COL6A5: variants seen among roughly 807,000 people sequenced by gnomAD.
COL6A5 encodes the protein collagen alpha-5(VI) chain.
In COL6A5, 48 loss-of-function variants were observed where a neutral mutation model predicts 65.6. The observed-to-expected ratio is 0.73, with a 90% CI of 0.58 to 0.93. The LOEUF is 0.93. Ranked by LOEUF, COL6A5 falls within the 40% of genes least tolerant of loss-of-function variation. COL6A5 has a pLI of 0.00. For synonymous variants in COL6A5, 291 were observed against 322.8 expected, an observed-to-expected ratio of 0.90 and a Z score of 1.05; for missense variants, 914 against 928.3, an observed-to-expected ratio of 0.98 and a Z score of 0.20.
intron 29 of COL6A5, among the ~76,000 whole-genome samples, chr3:130,424,396 G>A (rs1004184252): frequency 1.3e-5 from 2 of 152,026 alleles, no homozygotes; most frequent in Admixed American, 6.6e-5. Context: ...TTCTCAGGCA[G>A]AGTCAGGCAT....
At chr3:130,441,927 G>A (rs925604600) in intron 3 of COL6A5, among the ~76,000 whole-genome samples, 2 of 152,108 alleles carry the variant, frequency 1.3e-5, no homozygotes, top group African/African-American at 4.8e-5. Flanking sequence ...AACTTGGCTG[G>A]AATTAATTCC....
chr3:130,432,282 C>G (rs760509303), intron 1 of COL6A5, among the ~76,000 whole-genome samples: 10 of 152,036 alleles, frequency 6.6e-5, no homozygotes, highest in Non-Finnish European at 1.5e-4. Context: ...GGGCTGGGCG[C>G]GGTGGCTCAT....
chr3:130,410,211 G>T, intron 19 of COL6A5, 137 bp downstream of exon 19: 1 of 702,232 alleles, frequency 1.4e-6, no homozygotes, highest in Admixed American at 2.9e-5. Context: ...TTTTGATGAT[G>T]CATATTTGTA....
chr3:130,394,719 T>A (rs1177666412), intron 7 of COL6A5, among the ~76,000 whole-genome samples, 171 bp from the exon 8 acceptor site: 1 of 152,234 alleles, frequency 6.6e-6, no homozygotes, highest in Non-Finnish European at 1.5e-5. Flanking sequence ...TTTCCTCCTC[T>A]TGCTATTTTT....
chr3:130,351,478 C>A (rs1317972587), intron 1 of COL6A5, among the ~76,000 whole-genome samples: 2 of 151,900 alleles, frequency 1.3e-5, no homozygotes, highest in Non-Finnish European at 2.9e-5. Flanking sequence ...AAAAAAACCC[C>A]ATCAAAAAGT....
intron 1 of COL6A5, among the ~76,000 whole-genome samples, chr3:130,369,019 A>G (rs1045675064): frequency 5.9e-5 from 9 of 151,988 alleles, no homozygotes; most frequent in Non-Finnish European, 1.2e-4. Flanking sequence ...TCAACTGGAG[A>G]CTGTGGTTCC....
Position 130,441,060 on chromosome 3 carries a change from C to T in COL6A5, c.1241+235C>T, listed in dbSNP as rs553871836. Reference sequence around the variant, plus strand: ...GTGTGTCTTTTAGCCAAACTCTCAGCACTAGAAAGCCACAGAGTGACTAGA... The same window carrying T: ...GTGTGTCTTTTAGCCAAACTCTCAGTACTAGAAAGCCACAGAGTGACTAGA... On this transcript the variant is annotated intron_variant, in intron 3 of 7. Coordinates refer to ENST00000512836, the Ensembl canonical transcript of COL6A5. Among the ~76,000 whole-genome samples the T allele has an allele frequency of 5.9e-5, 9 of 152,226 alleles. No individual in the cohort carries two copies. The South Asian group carries it at 1.5e-3, about 25-fold the overall frequency.
chr3:130,482,820 G>T (rs932287358), intron 7 of COL6A5, among the ~76,000 whole-genome samples: 1 of 152,136 alleles, frequency 6.6e-6, no homozygotes, highest in Non-Finnish European at 1.5e-5. Flanking sequence ...GTGAATGTGA[G>T]TTCACTCATG....
intron 7 of COL6A5, chr3:130,477,164 A>G (rs1710120453): frequency 7.5e-6 from 8 of 1,064,334 alleles, no homozygotes; most frequent in East Asian, 2.6e-5. Flanking sequence ...AAGTTAGGCC[A>G]TGAAACAGAA....
At chr3:130,463,610 G>A (rs1307664943) in intron 5 of COL6A5, among the ~76,000 whole-genome samples, 1 of 151,994 alleles carries the variant, frequency 6.6e-6, no homozygotes, top group Non-Finnish European at 1.5e-5. Context: ...CTTGCCCATA[G>A]GAAAGCAAGC....
upstream of COL6A5, among the ~76,000 whole-genome samples, chr3:130,429,023 GA>G (rs1435772429): frequency 6.6e-6 from 1 of 152,170 alleles, no homozygotes; most frequent in Non-Finnish European, 1.5e-5. Flanking sequence ...TTGCTCAGGA[GA>G]AACGCTTGGG....
chr3:130,426,237 G>A, exon 30 of COL6A5: 1 of 1,551,330 alleles, frequency 6.4e-7, no homozygotes, highest in Non-Finnish European at 8.7e-7. Flanking sequence ...TGGCAGGGCA[G>A]CCTGTATATT....
At chr3:130,389,009 A>T in exon 6 of COL6A5, 1 of 1,545,138 alleles carries the variant, frequency 6.5e-7, no homozygotes. Flanking sequence ...GTAGGAGTAT[A>T]CAATGCCAAT....
chr3:130,409,556 G>A (rs537828639), intron 18 of COL6A5, among the ~76,000 whole-genome samples, 168 bp downstream of exon 18: 25 of 152,270 alleles, frequency 1.6e-4, no homozygotes, highest in Non-Finnish European at 4.4e-5. Flanking sequence ...GTCTTATCTG[G>A]GTTAGGCCCA....
intron 27 of COL6A5, among the ~76,000 whole-genome samples, chr3:130,422,099 G>T (rs920316695): frequency 1.3e-5 from 2 of 152,052 alleles, no homozygotes; most frequent in Non-Finnish European, 2.9e-5. Flanking sequence ...TAGGAAAACT[G>T]TCAACTGCTG....
rs1306114179 is a variant in COL6A5, at chr3:130,426,404, G to A, written c.5236+1G>A. On this transcript the variant is annotated splice_donor_variant and NMD_transcript_variant, in intron 31 of 41. Transcript: ENST00000312481. ...ATCCGGTTTTTGCGGGAACATAGTC[G>A]TGAGTATCTGTTACGGAACAAGAGC... 1.2e-5 allele frequency: 19 copies of A among 1,551,000 alleles called. No homozygotes were observed. The highest frequency in any genetic ancestry group is 1.4e-5 in the African/African-American group (1 of 73,072).
intron 1 of COL6A5, among the ~76,000 whole-genome samples, chr3:130,354,368 A>G (rs1934842567): frequency 6.6e-6 from 1 of 152,190 alleles, no homozygotes; most frequent in Admixed American, 6.5e-5. Context: ...TTTCTATTAA[A>G]CAGCAGTGAT....
chr3:130,405,912 G>T (rs1209496680), intron 14 of COL6A5, 81 bp from the exon 15 acceptor site: 1 of 1,339,884 alleles, frequency 7.5e-7, no homozygotes, highest in Non-Finnish European at 1.0e-6. Context: ...AGAAATACAT[G>T]CTCACTCACT....
intron 5 of COL6A5, 57 bp from the exon 6 acceptor site, chr3:130,388,523 C>T (rs917213503): frequency 7.4e-7 from 1 of 1,354,106 alleles, no homozygotes; most frequent in Admixed American, 2.8e-5. Context: ...CTTAATGTTA[C>T]TTCATGAGAA....
Sources: gnomAD v4.1 joint callset for allele counts (sites outside exome capture counted in the v4.1 genomes callset) on GRCh38, gnomAD v4.1.1 for gene constraint, MANE v1.5 for transcripts, NCBI Gene and HGNC (gene_info 2026-07-23, HGNC 2026-07-21) for gene names.